The following TCF12 variants were observed in gnomAD, a reference collection of about 807,000 sequenced individuals.
TCF12 encodes DNA-binding protein HTF4.
In TCF12, 45 loss-of-function variants were observed where a neutral mutation model predicts 86.0. The ratio of observed to expected loss-of-function variants is 0.52; its 90% CI spans 0.41 to 0.67. The LOEUF (loss-of-function observed/expected upper bound fraction) is 0.67, where lower values mean the gene tolerates loss of function less well. Ranked by LOEUF, TCF12 falls within the 30% of genes least tolerant of loss-of-function variation. The pLI is 0.00. For missense variants in TCF12, 881 were observed against 859.9 expected (o/e 1.02, Z -0.31); for synonymous variants, 330 against 299.6 (o/e 1.10, Z -1.05).
chr15:57,078,482 G>C (rs2070336488), intron 4 of TCF12, among the ~76,000 whole-genome samples: 1 of 152,090 alleles, frequency 6.6e-6, no homozygotes, highest in Non-Finnish European at 1.5e-5. Context: ...CTCTCTTCTT[G>C]TGACTTCTTG....
At chr15:56,984,001 C>CACAAAAAAAAAAAAA (rs2063024461) in intron 3 of TCF12, among the ~76,000 whole-genome samples, 1 of 43,056 alleles carries the variant, frequency 2.3e-5, no homozygotes, top group Non-Finnish European at 3.9e-5. Flanking sequence ...GACCCTGTCT[C>CACAAAAAAAAAAAAA]AAAAAAAAAA....
In TCF12 at chr15:57,166,119, A is replaced by G. The variant is rs181255450; in HGVS notation, c.326-283A>G. Among the ~76,000 whole-genome samples, 882 of 152,084 alleles carry G rather than the reference A, an allele frequency of 5.8e-3. 9 individuals are homozygous for G. Among genetic ancestry groups the G allele is most frequent in the African/African-American group, 0.02 (840 of 41,498 alleles). ...TTATTTTTTGTAGAGAGGCTTCACTATTGCCCACGCTAGTCTTGAGCTACT... is the reference window on the plus strand; with the variant it reads ...TTATTTTTTGTAGAGAGGCTTCACTGTTGCCCACGCTAGTCTTGAGCTACT... On this transcript the variant is annotated intron_variant, in intron 5 of 20. Coordinates refer to ENST00000333725, the MANE Select transcript of TCF12 (RefSeq NM_207037.2).
At chr15:57,209,260 C>T (rs1173925958) in intron 8 of TCF12, among the ~76,000 whole-genome samples, 2 of 152,096 alleles carry the variant, frequency 1.3e-5, no homozygotes, top group Non-Finnish European at 2.9e-5. Context: ...AATTATATGT[C>T]CCATTTCTCC....
chr15:56,928,144 A>G (rs529453821), intron 3 of TCF12, among the ~76,000 whole-genome samples: 5 of 152,326 alleles, frequency 3.3e-5, no homozygotes, highest in African/African-American at 1.2e-4. Flanking sequence ...TACTAGCTGG[A>G]TGGCCTTAGG....
chr15:57,178,611 A>G (rs1381498701), intron 6 of TCF12, among the ~76,000 whole-genome samples: 1 of 152,226 alleles, frequency 6.6e-6, no homozygotes, highest in African/African-American at 2.4e-5. Flanking sequence ...CACCTCACAC[A>G]GCTGGCTTCT....
intron 5 of TCF12, among the ~76,000 whole-genome samples, chr15:57,157,175 G>A (rs2054167414): frequency 6.6e-6 from 1 of 152,078 alleles, no homozygotes; most frequent in Non-Finnish European, 1.5e-5. Context: ...TTAGAAAGTT[G>A]TAAACCATTA....
At chr15:57,278,758 CCTCT>C (rs1191769754) in intron 19 of TCF12, 4 of 133,838 alleles carry the variant, frequency 3.0e-5, no homozygotes, top group South Asian at 2.7e-4. Context: ...CCTCTCTCTC[CCTCT>C]CTCTCCCTAC....
At chr15:57,270,642 G>A (rs920260828) in intron 18 of TCF12, among the ~76,000 whole-genome samples, 7 of 152,122 alleles carry the variant, frequency 4.6e-5, no homozygotes, top group Non-Finnish European at 8.8e-5. Context: ...GAGAAGAGGC[G>A]TTCTGGCTTT....
chr15:57,085,669 G>A (rs2048575047), intron 4 of TCF12, among the ~76,000 whole-genome samples: 1 of 152,098 alleles, frequency 6.6e-6, no homozygotes, highest in Non-Finnish European at 1.5e-5. Context: ...ATTTATGATG[G>A]GGTAAGTGAA....
intron 3 of TCF12, among the ~76,000 whole-genome samples, chr15:56,944,819 A>G (rs1370435592): frequency 1.3e-5 from 2 of 152,198 alleles, no homozygotes; most frequent in Non-Finnish European, 2.9e-5. Flanking sequence ...AATGGTAAGT[A>G]TAAGTGTTTG....
chr15:57,244,759 C>A (rs185841227), intron 13 of TCF12, among the ~76,000 whole-genome samples: 1 of 151,982 alleles, frequency 6.6e-6, no homozygotes, highest in Non-Finnish European at 1.5e-5. Context: ...CCACTGCGCC[C>A]GGCCCACATG....
rs141070967 is a variant in TCF12, at chr15:56,999,319, G to A, written c.149-64431G>A. On this transcript the variant is annotated intron_variant, in intron 3 of 20. Coordinates refer to ENST00000333725, the MANE Select transcript of TCF12 (RefSeq NM_207037.2). Reference sequence around the variant, plus strand: ...GTAGCTAAAATCAGTGACATTAAAAGTTGAGTTTCCTTTTTTATAGATCAG... The same window carrying A: ...GTAGCTAAAATCAGTGACATTAAAAATTGAGTTTCCTTTTTTATAGATCAG... Among the ~76,000 whole-genome samples the A allele has an allele frequency of 1.3e-3, 191 of 152,174 alleles. 1 individual carries two copies. The highest frequency in any genetic ancestry group is 4.3e-3 in the African/African-American group (179 of 41,514).
At chr15:57,103,171 GA>G (rs1277236468) in intron 5 of TCF12, among the ~76,000 whole-genome samples, 9 of 152,168 alleles carry the variant, frequency 5.9e-5, no homozygotes, top group Admixed American at 2.6e-4. Context: ...CAACATATGA[GA>G]ATCTCCCCAA....
At chr15:56,919,162 C>T (rs1194773560) in intron 1 of TCF12, 1 of 151,700 alleles carries the variant, frequency 6.6e-6, no homozygotes, top group Non-Finnish European at 1.5e-5. Flanking sequence ...CGGGCCGGCG[C>T]CCAGGCTCCG....
intron 3 of TCF12, among the ~76,000 whole-genome samples, chr15:56,949,430 A>T (rs2061163101): frequency 6.6e-6 from 1 of 152,188 alleles, no homozygotes; most frequent in African/African-American, 2.4e-5. Context: ...TAGATGTAAA[A>T]CTCAGTCTGC....
At chr15:56,972,849 G>C (rs185492012) in intron 3 of TCF12, among the ~76,000 whole-genome samples, 1 of 152,238 alleles carries the variant, frequency 6.6e-6, no homozygotes, top group Admixed American at 6.5e-5. Context: ...ATGGAGGGGA[G>C]GGGAACAGAC....
At chr15:56,947,020 A>G (rs570892719) in intron 3 of TCF12, among the ~76,000 whole-genome samples, 2 of 151,116 alleles carry the variant, frequency 1.3e-5, no homozygotes, top group Admixed American at 1.3e-4. Context: ...CTGGTCTTGA[A>G]CTCCTGACCT....
At chr15:56,932,834 C>T (rs2060306564) in intron 3 of TCF12, among the ~76,000 whole-genome samples, 1 of 152,154 alleles carries the variant, frequency 6.6e-6, no homozygotes, top group African/African-American at 2.4e-5. Flanking sequence ...TAGGTGTGAG[C>T]TACTGTGCCT....
chr15:57,238,863 C>G (rs1371804668), intron 12 of TCF12, among the ~76,000 whole-genome samples: 4 of 151,950 alleles, frequency 2.6e-5, no homozygotes, highest in Non-Finnish European at 4.4e-5. Context: ...AGTAAAAGAG[C>G]AGAGAGAAGT....
Sources: allele counts gnomAD v4.1 joint callset (sites outside exome capture counted in the v4.1 genomes callset), GRCh38; gene constraint gnomAD v4.1.1; transcripts MANE v1.5; gene names NCBI Gene and HGNC (gene_info 2026-07-23, HGNC 2026-07-21).